The following RTN4RL1 variants were observed in gnomAD, a reference collection of about 807,000 sequenced individuals.
RTN4RL1 encodes the protein reticulon-4 receptor-like 1.
In RTN4RL1, 7 loss-of-function variants were observed where a neutral mutation model predicts 25.6. That is an observed-to-expected ratio of 0.27 (90% CI 0.16 to 0.51). The LOEUF is 0.51. Ranked by LOEUF, RTN4RL1 falls within the 20% of genes least tolerant of loss-of-function variation. RTN4RL1 has a pLI of 0.97. For missense variants in RTN4RL1, 500 were observed against 615.6 expected (o/e 0.81, Z 1.99); for synonymous variants, 297 against 288.2 (o/e 1.03, Z -0.31).
At chr17:1,977,166 G>A (rs761052964) in intron 1 of RTN4RL1, among the ~76,000 whole-genome samples, 7 of 152,178 alleles carry the variant, frequency 4.6e-5, no homozygotes, top group Non-Finnish European at 7.3e-5. Flanking sequence ...AGTGAAAATG[G>A]GTCAATCTAC....
At chr17:1,981,009 C>A (rs1370771062) in intron 1 of RTN4RL1, among the ~76,000 whole-genome samples, 2 of 151,420 alleles carry the variant, frequency 1.3e-5, no homozygotes, top group Non-Finnish European at 1.5e-5. Flanking sequence ...CTTCCTGGAG[C>A]CACACTCATC....
intron 1 of RTN4RL1, among the ~76,000 whole-genome samples, chr17:1,989,642 C>T (rs1258458695): frequency 1.3e-5 from 2 of 152,142 alleles, no homozygotes; most frequent in Non-Finnish European, 2.9e-5. Context: ...GGCATGATCT[C>T]GGTTCACTGC....
intron 1 of RTN4RL1, among the ~76,000 whole-genome samples, chr17:1,943,038 C>T (rs1384045170): frequency 6.6e-6 from 1 of 152,218 alleles, no homozygotes; most frequent in African/African-American, 2.4e-5. Context: ...AGGGCCCTTG[C>T]CCCAGGCCCA....
intron 1 of RTN4RL1, among the ~76,000 whole-genome samples, chr17:1,940,576 T>C (rs906253111): frequency 5.9e-5 from 9 of 152,126 alleles, no homozygotes; most frequent in African/African-American, 1.9e-4. Flanking sequence ...CAGGGGTGTG[T>C]TGGGGGAGGA....
chr17:1,947,159 G>A (rs902298714), intron 1 of RTN4RL1, among the ~76,000 whole-genome samples: 13 of 150,762 alleles, frequency 8.6e-5, no homozygotes, highest in Admixed American at 4.0e-4. Flanking sequence ...GTGTATGCAC[G>A]GGGTCTGTGT....
At chr17:1,990,536 A>G (rs754749652) in intron 1 of RTN4RL1, among the ~76,000 whole-genome samples, 1 of 152,108 alleles carries the variant, frequency 6.6e-6, no homozygotes, top group Non-Finnish European at 1.5e-5. Flanking sequence ...CCTCATCTCT[A>G]CAAAACATAA....
chr17:1,960,935 C>T (rs533421830), intron 1 of RTN4RL1, among the ~76,000 whole-genome samples: 13 of 152,294 alleles, frequency 8.5e-5, no homozygotes, highest in Admixed American at 3.3e-4. Context: ...CCGATGCCCA[C>T]GGCCCCTCTG....
At chr17:2,011,125 C>A (rs185681906) in intron 1 of RTN4RL1, among the ~76,000 whole-genome samples, 30 of 152,142 alleles carry the variant, frequency 2.0e-4, no homozygotes, top group African/African-American at 7.2e-4. Context: ...ATGGCGCATG[C>A]CTGTAATCCC....
At chr17:1,945,221 T>A (rs1915512537) in intron 1 of RTN4RL1, among the ~76,000 whole-genome samples, 1 of 151,942 alleles carries the variant, frequency 6.6e-6, no homozygotes, top group Non-Finnish European at 1.5e-5. Context: ...AGCAACCTGG[T>A]GGTTTTGTTT....
intron 1 of RTN4RL1, among the ~76,000 whole-genome samples, chr17:1,940,059 G>A (rs913211057): frequency 7.9e-5 from 12 of 152,124 alleles, no homozygotes; most frequent in Non-Finnish European, 1.2e-4. Context: ...CCAGGCTCAC[G>A]GCCCAGCAGG....
At chr17:1,953,737 G>A (rs1021484574) in intron 1 of RTN4RL1, among the ~76,000 whole-genome samples, 14 of 152,088 alleles carry the variant, frequency 9.2e-5, no homozygotes, top group Non-Finnish European at 1.6e-4. Context: ...GTTAATTTTT[G>A]TATTTTTAGT....
At chr17:1,950,846 CAAAAAAAAAA>C (rs61660812) in intron 1 of RTN4RL1, among the ~76,000 whole-genome samples, 817 of 17,712 alleles carry the variant, frequency 0.046, 12 homozygotes, top group Middle Eastern at 0.11. Flanking sequence ...ACACAGTCTC[CAAAAAAAAAA>C]AAAAAAAAAA....
Position 1,998,087 on chromosome 17 carries a change from A to T in RTN4RL1, c.13+26766T>A, listed in dbSNP as rs2066937887. Among the ~76,000 whole-genome samples the T allele has an allele frequency of 6.6e-6, 1 of 151,600 alleles. No homozygotes were observed. The highest frequency in any genetic ancestry group is 1.5e-5 in the Non-Finnish European group (1 of 67,826). ...ATCGATCCCGGCCTCTCCCGGCCTC[A>T]TTACCGAGGGAGAGCTGCCGGGGCT... On this transcript the variant is annotated intron_variant, in intron 1 of 1. Transcript: ENST00000331238. This position sits in a 1 kb window ranked among gnomAD's most constrained non-coding sequence, Gnocchi z 4.9.
intron 1 of RTN4RL1, among the ~76,000 whole-genome samples, chr17:1,940,444 C>T (rs944689162): frequency 1.3e-5 from 2 of 152,176 alleles, no homozygotes; most frequent in Non-Finnish European, 2.9e-5. Context: ...TCAGTTTCCC[C>T]TCCTACCACA....
At chr17:1,942,700 G>A (rs1199391918) in intron 1 of RTN4RL1, among the ~76,000 whole-genome samples, 2 of 152,108 alleles carry the variant, frequency 1.3e-5, no homozygotes, top group Non-Finnish European at 2.9e-5. Context: ...GTCCCTGCTT[G>A]CTGGTCAGGG....
At chr17:1,953,363 A>G (rs1231060698) in intron 1 of RTN4RL1, among the ~76,000 whole-genome samples, 2 of 152,018 alleles carry the variant, frequency 1.3e-5, no homozygotes, top group African/African-American at 2.4e-5. Flanking sequence ...CCATGATTAC[A>G]CCACTGTACT....
rs1245243694 is a variant in RTN4RL1 at position 1,937,114 on chromosome 17, C to A, written c.708G>T (p.Leu236=). 1.9e-6 allele frequency: 3 copies of A among 1,609,184 alleles called. No individual in the cohort carries two copies. Among genetic ancestry groups the A allele is most frequent in the African/African-American group, 2.7e-5 (2 of 74,876 alleles). ...LFLFNNSLSE[L]QGECLAPLGA... Reference sequence around the variant, plus strand: ...CCAGCGGGGCCAGGCACTCACCCTGCAGCTCCGAGAGGCTGTTGTTGAAGA... The same window carrying A: ...CCAGCGGGGCCAGGCACTCACCCTGAAGCTCCGAGAGGCTGTTGTTGAAGA... Residue 236 remains leucine, a synonymous_variant, in exon 2 of 2, where the codon CTG becomes CTT. Coordinates refer to ENST00000331238, the MANE Select transcript of RTN4RL1 (RefSeq NM_178568.4).
Position 1,937,096 on chromosome 17 carries a change from G to T in RTN4RL1, c.726C>A (p.Ala242=). 6.2e-7 allele frequency: 1 copy of T among 1,607,774 alleles called. No individual in the cohort carries two copies. The change falls in exon 2 of 2, where the codon GCC becomes GCA. Residue 242 remains alanine, a synonymous_variant. Coordinates refer to ENST00000331238, the MANE Select transcript of RTN4RL1 (RefSeq NM_178568.4). ...SLSELQGECL[A]PLGALEFLRL... ...GGAGGAACTCCAGGGCCCCCAGCGG[G>T]GCCAGGCACTCACCCTGCAGCTCCG... is the stretch of plus-strand genomic sequence containing the variant.
intron 1 of RTN4RL1, among the ~76,000 whole-genome samples, chr17:2,004,884 C>T (rs1342789760): frequency 7.2e-5 from 11 of 152,206 alleles, no homozygotes; most frequent in Non-Finnish European, 1.2e-4. Context: ...TAGCTAAGGC[C>T]GGCACATGGA....
Sources: gnomAD v4.1 joint callset for allele counts (sites outside exome capture counted in the v4.1 genomes callset) on GRCh38, gnomAD v4.1.1 for gene constraint, Gnocchi (gnomAD v3.1) non-coding constraint, MANE v1.5 for transcripts, NCBI Gene and HGNC (gene_info 2026-07-23, HGNC 2026-07-21) for gene names.